ZNF704: variants seen among roughly 807,000 people sequenced by gnomAD.
ZNF704 encodes zinc finger protein 704, also known as glucocorticoid induced gene 1.
In ZNF704, 10 loss-of-function variants were observed where a neutral mutation model predicts 44.7. The observed-to-expected ratio is 0.22, with a 90% CI of 0.14 to 0.38. ZNF704 has a LOEUF of 0.38. Ranked by LOEUF, ZNF704 falls within the 10% of genes least tolerant of loss-of-function variation. The pLI is 1.00. For missense variants in ZNF704, 390 were observed against 545.5 expected (o/e 0.71, Z 2.84); for synonymous variants, 211 against 207.6 (o/e 1.02, Z -0.14).
intron 2 of ZNF704, among the ~76,000 whole-genome samples, chr8:80,815,075 A>G (rs1808155128): frequency 6.6e-6 from 1 of 152,208 alleles, no homozygotes; most frequent in Non-Finnish European, 1.5e-5. Context: ...TCAAAGGTCA[A>G]TGTGTTTCTG....
intron 5 of ZNF704, among the ~76,000 whole-genome samples, 182 bp from the exon 6 acceptor site, chr8:80,665,264 T>C: frequency 6.6e-6 from 1 of 152,190 alleles, no homozygotes; most frequent in East Asian, 1.9e-4. Flanking sequence ...TTCCTTGATG[T>C]CTTAAAGCAA....
chr8:80,751,676 C>T (rs763912555), intron 2 of ZNF704, among the ~76,000 whole-genome samples: 40 of 152,290 alleles, frequency 2.6e-4, no homozygotes, highest in Non-Finnish European at 5.0e-4. Context: ...GATCTTTCAG[C>T]ATCAAAAATC....
chr8:80,824,202 C>T (rs1186175617), intron 1 of ZNF704, among the ~76,000 whole-genome samples: 1 of 152,066 alleles, frequency 6.6e-6, no homozygotes, highest in Non-Finnish European at 1.5e-5. Context: ...GAACGGCTAA[C>T]TAGAATAAAC....
chr8:80,658,143 G>C (rs1422419089), intron 7 of ZNF704, among the ~76,000 whole-genome samples: 1 of 152,120 alleles, frequency 6.6e-6, no homozygotes, highest in Non-Finnish European at 1.5e-5. Context: ...TGGCCACAGA[G>C]GTAGTCTGAA....
chr8:80,648,011 C>T (rs971149071), intron 7 of ZNF704, among the ~76,000 whole-genome samples: 2 of 152,162 alleles, frequency 1.3e-5, no homozygotes, highest in East Asian at 1.9e-4. Flanking sequence ...TGACAACGGC[C>T]TTCTCGCTGT....
chr8:80,851,999 A>G (rs1258581052), intron 1 of ZNF704, among the ~76,000 whole-genome samples: 1 of 152,172 alleles, frequency 6.6e-6, no homozygotes, highest in South Asian at 2.1e-4. Context: ...GTGTTCCTTT[A>G]GCCATACAAA....
intron 2 of ZNF704, among the ~76,000 whole-genome samples, chr8:80,750,989 ATATT>A (rs1402222267): frequency 7.9e-5 from 12 of 152,250 alleles, no homozygotes; most frequent in Admixed American, 5.2e-4. Context: ...AAAAATAAAA[ATATT>A]TATGAACGAA....
intron 2 of ZNF704, among the ~76,000 whole-genome samples, chr8:80,715,668 T>C (rs1254153089): frequency 6.6e-6 from 1 of 152,216 alleles, no homozygotes; most frequent in African/African-American, 2.4e-5. Flanking sequence ...CTTTAAAATA[T>C]AACACAGATG....
intron 2 of ZNF704, among the ~76,000 whole-genome samples, chr8:80,819,785 C>T (rs7007545): frequency 0.21 from 32,216 of 151,824 alleles, 4,750 homozygotes; most frequent in African/African-American, 0.42. Context: ...GTAATGAATA[C>T]GTGAAAATTT....
intron 4 of ZNF704, among the ~76,000 whole-genome samples, chr8:80,675,735 G>A (rs1377149788): frequency 6.6e-6 from 1 of 152,192 alleles, no homozygotes; most frequent in Non-Finnish European, 1.5e-5. Context: ...GACTGGGTGA[G>A]TTGTGGGTGA....
intron 1 of ZNF704, among the ~76,000 whole-genome samples, chr8:80,857,400 A>G (rs920380440): frequency 6.6e-6 from 1 of 152,120 alleles, no homozygotes; most frequent in Non-Finnish European, 1.5e-5. Flanking sequence ...TTTCCATCCA[A>G]TTTATTGAGT....
chr8:80,868,973 T>C (rs191308015), intron 1 of ZNF704, among the ~76,000 whole-genome samples: 7 of 152,336 alleles, frequency 4.6e-5, no homozygotes, highest in African/African-American at 1.4e-4. Context: ...AGAGGCAACG[T>C]AGTGTAATGC....
intron 4 of ZNF704, among the ~76,000 whole-genome samples, chr8:80,677,251 C>T (rs1387093824): frequency 6.6e-6 from 1 of 152,118 alleles, no homozygotes; most frequent in Non-Finnish European, 1.5e-5. Context: ...ATGATAATCA[C>T]AGTGGTATTT....
intron 2 of ZNF704, among the ~76,000 whole-genome samples, chr8:80,722,694 T>C (rs967354267): frequency 6.6e-6 from 1 of 152,234 alleles, no homozygotes; most frequent in Non-Finnish European, 1.5e-5. Flanking sequence ...ATAGAAATAA[T>C]GCATTTTTAG....
At chr8:80,670,756 G>C (rs1387114269) in intron 4 of ZNF704, among the ~76,000 whole-genome samples, 153 bp from the exon 5 acceptor site, 1 of 152,150 alleles carries the variant, frequency 6.6e-6, no homozygotes, top group Non-Finnish European at 1.5e-5. Flanking sequence ...GGCATCCCTA[G>C]GTTTGTGAGT....
At chr8:80,738,683 G>A (rs933702570) in intron 2 of ZNF704, among the ~76,000 whole-genome samples, 20 of 151,992 alleles carry the variant, frequency 1.3e-4, no homozygotes, top group African/African-American at 4.3e-4. Context: ...TAGTAGAAAC[G>A]GCAATACAGA....
chr8:80,833,132 G>A (rs1354399570), intron 1 of ZNF704, among the ~76,000 whole-genome samples: 1 of 152,192 alleles, frequency 6.6e-6, no homozygotes, highest in Admixed American at 6.5e-5. Flanking sequence ...TGGATCACGA[G>A]GTCAAGAGGT....
intron 2 of ZNF704, among the ~76,000 whole-genome samples, chr8:80,791,654 G>A (rs1461683303): frequency 6.6e-6 from 1 of 152,130 alleles, no homozygotes; most frequent in East Asian, 1.9e-4. Context: ...TCTGTGCAGG[G>A]AGAAGCAGCC....
At chr8:80,783,983 T>C (rs889461429) in intron 2 of ZNF704, among the ~76,000 whole-genome samples, 2 of 152,196 alleles carry the variant, frequency 1.3e-5, no homozygotes, top group African/African-American at 2.4e-5. Flanking sequence ...ATACAGTATG[T>C]AGCCTTTTCA....
Sources: gnomAD v4.1 joint callset for allele counts (sites outside exome capture counted in the v4.1 genomes callset) on GRCh38, gnomAD v4.1.1 for gene constraint, MANE v1.5 for transcripts, NCBI Gene and HGNC (gene_info 2026-07-23, HGNC 2026-07-21) for gene names.